The following ALKBH8 variants were observed in gnomAD, a reference collection of about 807,000 sequenced individuals.
ALKBH8 encodes alkB homolog 8, tRNA methyltransferase.
A neutral mutation model predicts 59.8 loss-of-function variants in ALKBH8; 36 were observed. That is an observed-to-expected ratio of 0.60 (90% CI 0.46 to 0.79). The LOEUF is 0.79. Among genes scored for constraint, ALKBH8 ranks in the 30% least tolerant of loss-of-function variants. The pLI, the probability that ALKBH8 is intolerant of heterozygous loss-of-function variation, is 0.00. For synonymous variants in ALKBH8, 276 were observed against 273.6 expected, an observed-to-expected ratio of 1.01 and a Z score of -0.09; for missense variants, 768 against 801.0, an observed-to-expected ratio of 0.96 and a Z score of 0.50.
chr11:107,563,666 C>A (rs1235473390), intron 1 of ALKBH8: 1 of 152,206 alleles, frequency 6.6e-6, no homozygotes, highest in African/African-American at 2.4e-5. Context: ...GGAACAGCAA[C>A]TTTGCAGTAT....
chr11:107,528,981 G>A (rs923488735), intron 8 of ALKBH8, among the ~76,000 whole-genome samples: 3 of 152,114 alleles, frequency 2.0e-5, no homozygotes, highest in Non-Finnish European at 4.4e-5. Context: ...AAGTAAAAGA[G>A]CTATATGTTA....
chr11:107,522,252 A>C (rs1468970494), intron 10 of ALKBH8, 47 bp downstream of exon 10: 8 of 1,540,090 alleles, frequency 5.2e-6, no homozygotes, highest in Non-Finnish European at 7.0e-6. Context: ...GATGATGATA[A>C]CCACTGCAAA....
rs1337408745 is a variant in ALKBH8 at position 107,505,056 on chromosome 11, T to C, written c.1597A>G (p.Ser533Gly). The change falls in exon 12 of 12, where the codon AGT becomes GGT. Residue 533 changes from serine (S) to glycine (G), a missense_variant. Ser to Gly is a moderately conservative substitution (Grantham distance 56, BLOSUM62 0). Coordinates refer to ENST00000428149, the MANE Select transcript of ALKBH8 (RefSeq NM_138775.3). ...NSQGKKEEMN[S>G]DTSVQRSLVE... is the part of the protein sequence containing the mutation. ...AGTGACCTCTGCACTGAGGTATCAC[T>C]GTTCATCTCCTCTTTCTTTCCTTGG... 4.5e-6 allele frequency: 7 copies of C among 1,551,614 alleles called. No individual in the cohort carries two copies. Among genetic ancestry groups the C allele is most frequent in the Admixed American group, 2.0e-5 (1 of 50,988 alleles).
chr11:107,532,438 T>C (rs1237995562), intron 7 of ALKBH8, 32 bp from the exon 8 acceptor site: 1 of 1,549,094 alleles, frequency 6.5e-7, no homozygotes. Context: ...TAAAGATCAA[T>C]CCAAAATTTC....
intron 5 of ALKBH8, among the ~76,000 whole-genome samples, chr11:107,552,800 A>G (rs1864550666): frequency 6.6e-6 from 1 of 152,184 alleles, no homozygotes; most frequent in African/African-American, 2.4e-5. Flanking sequence ...ATTACTTATG[A>G]AAGCTAAAAA....
intron 7 of ALKBH8, among the ~76,000 whole-genome samples, chr11:107,543,128 G>C (rs988062973): frequency 2.2e-4 from 33 of 152,266 alleles, no homozygotes; most frequent in African/African-American, 7.7e-4. Context: ...CACAAGGTCA[G>C]GAGTTCAAGA....
chr11:107,528,169 T>G (rs943452875), intron 8 of ALKBH8, among the ~76,000 whole-genome samples: 15 of 152,288 alleles, frequency 9.8e-5, no homozygotes, highest in African/African-American at 3.6e-4. Context: ...CGCTAGGTTA[T>G]ATTTTCTTTT....
At position 107,503,865 on chromosome 11, in the gene ALKBH8, T is replaced by C. The variant is rs1359017587; in HGVS notation, c.*793A>G. On this transcript the variant is annotated 3_prime_UTR_variant, in exon 12 of 12. Coordinates refer to ENST00000428149, the MANE Select transcript of ALKBH8 (RefSeq NM_138775.3). ...ATAAATTAGTCAGGATTAGTAGTTA[T>C]TTCAGTCACTTAAAAGTAATCTTTT... The C allele has an allele frequency of 6.6e-6, 1 of 152,234 alleles. No individual in the cohort carries two copies. Among genetic ancestry groups the C allele is most frequent in the Non-Finnish European group, 1.5e-5 (1 of 68,040 alleles). 9.4% of individuals were successfully genotyped at this position (152,234 alleles called of 1,614,324 possible).
intron 3 of ALKBH8, 40 bp from the exon 4 acceptor site, chr11:107,554,018 A>G: frequency 6.2e-7 from 1 of 1,608,798 alleles, no homozygotes; most frequent in Non-Finnish European, 8.5e-7. Flanking sequence ...TGCAAAACTT[A>G]AAGTTCCTAT....
intron 9 of ALKBH8, 114 bp downstream of exon 9, chr11:107,525,327 G>T: frequency 1.0e-6 from 1 of 964,390 alleles, no homozygotes; most frequent in Non-Finnish European, 1.4e-6. Context: ...GCAAAATACA[G>T]GAAATGCCAT....
intron 11 of ALKBH8, among the ~76,000 whole-genome samples, chr11:107,507,187 T>G (rs1862422507): frequency 6.6e-6 from 1 of 152,198 alleles, no homozygotes; most frequent in African/African-American, 2.4e-5. Flanking sequence ...ACATACAATA[T>G]TTGATAAACA....
At chr11:107,525,281 G>A (rs193297506) in intron 9 of ALKBH8, among the ~76,000 whole-genome samples, 160 bp downstream of exon 9, 158 of 152,160 alleles carry the variant, frequency 1.0e-3, no homozygotes, top group African/African-American at 3.8e-3. Flanking sequence ...CTCTAATGAG[G>A]GTCGTTAAGA....
chr11:107,536,942 A>G (rs1427987823), intron 7 of ALKBH8, among the ~76,000 whole-genome samples: 1 of 152,204 alleles, frequency 6.6e-6, no homozygotes, highest in African/African-American at 2.4e-5. Context: ...CTCCACTTAG[A>G]CTGTAATGCA....
At chr11:107,536,515 T>C (rs988649881) in intron 7 of ALKBH8, among the ~76,000 whole-genome samples, 4 of 152,152 alleles carry the variant, frequency 2.6e-5, no homozygotes, top group Non-Finnish European at 4.4e-5. Flanking sequence ...TGTGATATAA[T>C]AGCATAAACA....
intron 7 of ALKBH8, among the ~76,000 whole-genome samples, chr11:107,548,855 CTTT>C (rs56654607): frequency 4.4e-4 from 64 of 146,748 alleles, no homozygotes; most frequent in South Asian, 2.8e-3. Flanking sequence ...GATTTTCTTT[CTTT>C]TTTTTTTTTT....
At position 107,517,467 on chromosome 11, in the gene ALKBH8, C is replaced by T. The variant is rs988194367; in HGVS notation, c.1287+4832G>A. On this transcript the variant is annotated intron_variant, in intron 10 of 11. Coordinates refer to ENST00000428149, the MANE Select transcript of ALKBH8 (RefSeq NM_138775.3). ...TAGGTCAAAGAGATATCTGCACTCC[C>T]ATGTTTACTGCAACATTATATACAA... Among the ~76,000 whole-genome samples the T allele has an allele frequency of 3.9e-5, 6 of 152,290 alleles. No homozygotes were observed. The South Asian group carries it at 1.2e-3, about 32-fold the overall frequency.
intron 7 of ALKBH8, among the ~76,000 whole-genome samples, chr11:107,536,997 C>A (rs915876864): frequency 6.6e-6 from 1 of 152,198 alleles, no homozygotes; most frequent in Non-Finnish European, 1.5e-5. Flanking sequence ...GCTTTTTCCC[C>A]CATGAGGCCA....
intron 9 of ALKBH8, among the ~76,000 whole-genome samples, chr11:107,523,395 TA>T (rs1039966925): frequency 6.6e-6 from 1 of 151,570 alleles, no homozygotes. Flanking sequence ...ATATGGAATC[TA>T]AAAAAAAGCT....
intron 2 of ALKBH8, 55 bp from the exon 3 acceptor site, chr11:107,557,058 C>T (rs1864748957): frequency 3.3e-6 from 4 of 1,202,126 alleles, no homozygotes; most frequent in Non-Finnish European, 3.3e-6. Flanking sequence ...CTGATACCAA[C>T]CCATTTGTTT....
Sources: gnomAD v4.1 joint callset for allele counts (sites outside exome capture counted in the v4.1 genomes callset) on GRCh38, gnomAD v4.1.1 for gene constraint, MANE v1.5 for transcripts, NCBI Gene and HGNC (gene_info 2026-07-23, HGNC 2026-07-21) for gene names.